Variants in UGT1A7 observed in about 807,000 individuals in gnomAD.
UGT1A7 encodes the protein UDP glucuronosyltransferase family 1 member A7, also known as UDP-glucuronosyltransferase 1A7.
In UGT1A7, 33 loss-of-function variants were observed where a neutral mutation model predicts 45.6. The observed-to-expected ratio is 0.72, with a 90% CI of 0.55 to 0.97. The LOEUF (loss-of-function observed/expected upper bound fraction) is 0.97, where lower values mean the gene tolerates loss of function less well. UGT1A7 is among the 50% of genes least tolerant of loss of function. UGT1A7 has a pLI of 0.00. For synonymous variants in UGT1A7, 274 were observed against 250.6 expected, an observed-to-expected ratio of 1.09 and a Z score of -0.88; for missense variants, 684 against 666.2, an observed-to-expected ratio of 1.03 and a Z score of -0.29.
In UGT1A7 at chr2:233,729,871, C is replaced by G. The variant is rs752223675; in HGVS notation, c.856-37163C>G. On this transcript the variant is annotated intron_variant, in intron 1 of 4. Coordinates refer to ENST00000373426, the MANE Select transcript of UGT1A7 (RefSeq NM_019077.3). Reference sequence around the variant, plus strand: ...GAGAGAGGTGTCAGTGGTGGATATTCTCAGTCATGCATCTGTGTGGCTGTT... The same window carrying G: ...GAGAGAGGTGTCAGTGGTGGATATTGTCAGTCATGCATCTGTGTGGCTGTT... The G allele has an allele frequency of 1.5e-5, 25 of 1,613,730 alleles. No homozygotes were observed. Among genetic ancestry groups the G allele is most frequent in the African/African-American group, 4.0e-5 (3 of 74,882 alleles).
At chr2:233,705,662 A>G (rs1466344578) in intron 1 of UGT1A7, among the ~76,000 whole-genome samples, 3 of 152,204 alleles carry the variant, frequency 2.0e-5, no homozygotes, top group African/African-American at 7.2e-5. Context: ...CATAAATTAT[A>G]GTTGTGAGAT....
At chr2:233,753,903 T>TA in intron 1 of UGT1A7, among the ~76,000 whole-genome samples, 1 of 152,344 alleles carries the variant, frequency 6.6e-6, no homozygotes, top group East Asian at 1.9e-4. Flanking sequence ...ACATGCTTCT[T>TA]ACACCGATTT....
chr2:233,687,112 TA>T (rs1320223051), intron 1 of UGT1A7, among the ~76,000 whole-genome samples: 1 of 152,156 alleles, frequency 6.6e-6, no homozygotes, highest in Non-Finnish European at 1.5e-5. Flanking sequence ...TAAACTTGGG[TA>T]AAAACTCAGC....
At chr2:233,768,015 A>T in intron 3 of UGT1A7, 79 bp downstream of exon 3, 4 of 1,613,904 alleles carry the variant, frequency 2.5e-6, no homozygotes, top group Non-Finnish European at 3.4e-6. Context: ...ATTCTAAAGG[A>T]TTGTTGAGCT....
chr2:233,768,143 G>A lies in UGT1A7; in HGVS notation c.1076-77G>A, dbSNP rs995477416. ...GTGAGTAACACTGAGTCTTTGGAGTGTTTTCAGAACCTAGATGTGTCCAGC... is the reference window on the plus strand; with the variant it reads ...GTGAGTAACACTGAGTCTTTGGAGTATTTTCAGAACCTAGATGTGTCCAGC... On this transcript the variant is annotated intron_variant, in intron 3 of 4. Coordinates refer to ENST00000373426, the MANE Select transcript of UGT1A7 (RefSeq NM_019077.3). 1.6e-5 allele frequency: 26 copies of A among 1,610,468 alleles called. No homozygotes were observed. In the African/African-American group the frequency reaches 3.5e-4, roughly 22 times the overall value.
Position 233,772,833 on chromosome 2 carries a change from T to A in UGT1A7, c.*274T>A. The A allele has an allele frequency of 1.1e-6, 1 of 879,514 alleles. No homozygotes were observed. Among genetic ancestry groups the A allele is most frequent in the Non-Finnish European group, 1.6e-6 (1 of 630,664 alleles). The allele number at this position is 879,514 out of a possible 1,614,324, so 54.5% of individuals were successfully genotyped here. A position where few individuals can be genotyped will look rare whatever the true frequency, so the allele number is the denominator to read the frequency against. ...AGGACGTGCAGACAGGCTGGCATTC[T>A]AGATTACTTTTCTTACTCTGAAACA... On this transcript the variant is annotated 3_prime_UTR_variant, in exon 5 of 5. Coordinates refer to ENST00000373426, the MANE Select transcript of UGT1A7 (RefSeq NM_019077.3).
chr2:233,681,932 T>C lies in UGT1A7; in HGVS notation c.-6T>C. 1 of 1,611,200 alleles carries C rather than the reference T, an allele frequency of 6.2e-7. No homozygotes were observed. The highest frequency in any genetic ancestry group is 8.5e-7 in the Non-Finnish European group (1 of 1,178,208). Reference sequence around the variant, plus strand: ...CCAGCTGCTGGCTCTGGGCTGAAGTTCTCTGATGGCTCGTGCAGGGTGGAC... The same window carrying C: ...CCAGCTGCTGGCTCTGGGCTGAAGTCCTCTGATGGCTCGTGCAGGGTGGAC... On this transcript the variant is annotated 5_prime_UTR_variant, in exon 1 of 5. Coordinates refer to ENST00000373426, the MANE Select transcript of UGT1A7 (RefSeq NM_019077.3).
At chr2:233,730,068 G>C in intron 1 of UGT1A7, 1 of 1,610,044 alleles carries the variant, frequency 6.2e-7, no homozygotes, top group Non-Finnish European at 8.5e-7. Flanking sequence ...ATTTAAAATT[G>C]CTTCCATATT....
chr2:233,694,000 G>A (rs763633601), intron 1 of UGT1A7: 38 of 1,484,348 alleles, frequency 2.6e-5, no homozygotes, highest in Middle Eastern at 2.5e-4. Context: ...TACCCGGCTC[G>A]GAGCAGCGGG....
intron 1 of UGT1A7, among the ~76,000 whole-genome samples, chr2:233,738,018 T>C (rs11902624): frequency 0.019 from 2,936 of 152,240 alleles, 43 homozygotes; most frequent in African/African-American, 0.03. Flanking sequence ...TCTTGAATTG[T>C]AATCCCCATA....
intron 1 of UGT1A7, chr2:233,719,320 T>C (rs1246045139): frequency 6.8e-6 from 11 of 1,613,984 alleles, no homozygotes; most frequent in Non-Finnish European, 8.5e-6. Context: ...TACCTGTCGA[T>C]TCCTGCTGTG....
intron 1 of UGT1A7, chr2:233,690,481 G>C (rs1415950163): frequency 7.8e-7 from 1 of 1,288,704 alleles, no homozygotes; most frequent in Non-Finnish European, 1.0e-6. Flanking sequence ...TACTTTTTGG[G>C]AAATCTGCTC....
chr2:233,746,916 C>G (rs1283872586), intron 1 of UGT1A7, among the ~76,000 whole-genome samples: 1 of 151,772 alleles, frequency 6.6e-6, no homozygotes, highest in Non-Finnish European at 1.5e-5. Flanking sequence ...TGGGTTTCCA[C>G]AGGCCTTTGT....
At chr2:233,724,529 G>A (rs1336753054) in intron 1 of UGT1A7, among the ~76,000 whole-genome samples, 2 of 116,416 alleles carry the variant, frequency 1.7e-5, no homozygotes, top group African/African-American at 3.6e-5. Context: ...ATGGGGTCTC[G>A]CCGGGCAGAG....
intron 1 of UGT1A7, among the ~76,000 whole-genome samples, chr2:233,738,370 A>G (rs1385050475): frequency 1.3e-5 from 2 of 152,228 alleles, no homozygotes; most frequent in African/African-American, 4.8e-5. Flanking sequence ...CTGCTATAAA[A>G]CTACTTGAAA....
intron 1 of UGT1A7, among the ~76,000 whole-genome samples, chr2:233,757,694 G>A (rs757732265): frequency 2.0e-5 from 3 of 151,666 alleles, no homozygotes; most frequent in Non-Finnish European, 4.4e-5. Flanking sequence ...ATTCAAGGAA[G>A]GTGGCTTTGC....
chr2:233,754,024 C>G (rs763970261), intron 1 of UGT1A7, among the ~76,000 whole-genome samples: 2 of 152,198 alleles, frequency 1.3e-5, no homozygotes, highest in Non-Finnish European at 2.9e-5. Context: ...TGATAGGAAA[C>G]GAATGCATCC....
chr2:233,727,332 T>C (rs2077605990), intron 1 of UGT1A7, among the ~76,000 whole-genome samples: 1 of 152,122 alleles, frequency 6.6e-6, no homozygotes, highest in South Asian at 2.1e-4. Flanking sequence ...CAGGAGCTCC[T>C]CCCTCCCCAT....
intron 1 of UGT1A7, chr2:233,747,401 A>G: frequency 6.2e-7 from 1 of 1,606,744 alleles, no homozygotes; most frequent in East Asian, 2.2e-5. Flanking sequence ...TCCTCACCCC[A>G]GAGGTGAATA....
Sources: allele counts gnomAD v4.1 joint callset (sites outside exome capture counted in the v4.1 genomes callset), GRCh38; gene constraint gnomAD v4.1.1; transcripts MANE v1.5; gene names NCBI Gene and HGNC (gene_info 2026-07-23, HGNC 2026-07-21).